The following SNRPG variants were observed in gnomAD, a reference collection of about 807,000 sequenced individuals.
The protein encoded by SNRPG is small nuclear ribonucleoprotein G.
A neutral mutation model predicts 13.9 loss-of-function variants in SNRPG; 3 were observed. The ratio of observed to expected loss-of-function variants is 0.22; its 90% CI spans 0.10 to 0.56. The LOEUF is 0.56. Among genes scored for constraint, SNRPG ranks in the 20% least tolerant of loss-of-function variants. SNRPG has a pLI of 0.93. For synonymous variants in SNRPG, 29 were observed against 29.3 expected (o/e 0.99, Z 0.03); for missense variants, 34 against 96.1 (o/e 0.35, Z 2.70).
chr2:70,283,233 TA>T (rs1696858755), intron 3 of SNRPG, among the ~76,000 whole-genome samples: 1 of 150,478 alleles, frequency 6.6e-6, no homozygotes, highest in African/African-American at 2.5e-5. Context: ...ACTGGAAGGC[TA>T]GGGGACTAAA....
chr2:70,285,382 G>A lies in SNRPG; in HGVS notation c.180+2686C>T, dbSNP rs180936783. On this transcript the variant is annotated intron_variant, in intron 3 of 3. Transcript: ENST00000272348. Reference sequence around the variant, plus strand: ...CGGTCAGGAGTTTGAGACCAGCCTGGCCAACATAGTGAAACCCTGTCTCTA... The same window carrying A: ...CGGTCAGGAGTTTGAGACCAGCCTGACCAACATAGTGAAACCCTGTCTCTA... Among the ~76,000 whole-genome samples, 13 of 152,228 alleles carry A rather than the reference G, an allele frequency of 8.5e-5. No individual in the cohort carries two copies. The East Asian group carries it at 2.5e-3, about 29-fold the overall frequency.
In SNRPG at chr2:70,293,650, G is replaced by C. The variant is rs769520794; in HGVS notation, c.-1C>G. On this transcript the variant is annotated 5_prime_UTR_variant, in exon 1 of 4. Coordinates refer to ENST00000272348, the MANE Select transcript of SNRPG (RefSeq NM_003096.4). ...ACTCGGGAGGGTGAGCTTTGCTCAT[G>C]GTGTATACTCCGCGGGCTCACAGAT... 4.3e-6 allele frequency: 7 copies of C among 1,613,896 alleles called. No individual in the cohort carries two copies. Among genetic ancestry groups the C allele is most frequent in the Non-Finnish European group, 5.9e-6 (7 of 1,179,852 alleles).
chr2:70,288,301 C>T (rs1696993143), intron 2 of SNRPG, 109 bp from the exon 3 acceptor site: 1 of 825,816 alleles, frequency 1.2e-6, no homozygotes, highest in Non-Finnish European at 2.0e-6. Flanking sequence ...CTGAAACCCA[C>T]TATCCTTACT....
At chr2:70,285,746 A>T (rs1159809353) in intron 3 of SNRPG, among the ~76,000 whole-genome samples, 1 of 152,166 alleles carries the variant, frequency 6.6e-6, no homozygotes, top group Admixed American at 6.6e-5. Flanking sequence ...CAGGTCCAGA[A>T]TTACATACTG....
intron 3 of SNRPG, among the ~76,000 whole-genome samples, chr2:70,282,043 A>C (rs540727650): frequency 1.3e-5 from 2 of 152,218 alleles, no homozygotes; most frequent in South Asian, 4.1e-4. Flanking sequence ...CAGCCTCCCA[A>C]GTAGCTAGGA....
At chr2:70,287,756 C>T in intron 3 of SNRPG, 1 of 425,572 alleles carries the variant, frequency 2.3e-6, no homozygotes, top group Non-Finnish European at 4.2e-6. Flanking sequence ...GATTCATATA[C>T]ACATTAAGGT....
intron 1 of SNRPG, chr2:70,293,292 A>T: frequency 1.5e-6 from 1 of 681,084 alleles, no homozygotes; most frequent in Non-Finnish European, 2.7e-6. Flanking sequence ...ACATGATACT[A>T]TTCGAGATGT....
In SNRPG at chr2:70,288,191, C is replaced by T. The variant is rs1559044238; in HGVS notation, c.57G>A (p.Leu19=). Residue 19 remains leucine, a splice_region_variant and synonymous_variant, in exon 3 of 4, where the codon TTG becomes TTA. Transcript: ENST00000272348. ...GGACATGTCTGCCACCATTTAATTT[C>T]ACTATTAAAAAGAGAAAAAGAAGTT... ...LKKFMDKKLS[L]KLNGGRHVQG... 2 of 1,611,580 alleles carry T rather than the reference C, an allele frequency of 1.2e-6. No homozygotes were observed.
At chr2:70,286,212 G>A (rs1696938067) in intron 3 of SNRPG, among the ~76,000 whole-genome samples, 2 of 152,170 alleles carry the variant, frequency 1.3e-5, no homozygotes, top group Admixed American at 1.3e-4. Flanking sequence ...ATAGATGTGA[G>A]CTACTGTGCC....
chr2:70,291,629 G>T (rs1697099818), intron 1 of SNRPG, among the ~76,000 whole-genome samples: 2 of 152,106 alleles, frequency 1.3e-5, no homozygotes. Context: ...TGGTGTAAAA[G>T]AAGATGCTAT....
chr2:70,281,766 C>A, intron 3 of SNRPG, 82 bp from the exon 4 acceptor site: 103 of 748,366 alleles, frequency 1.4e-4, no homozygotes, highest in Middle Eastern at 5.0e-4. Flanking sequence ...TTCACCAAAT[C>A]ATTAATGGTT....
rs868767126 is a variant in SNRPG at position 70,288,234 on chromosome 2, T to A, written c.56-42A>T. On this transcript the variant is annotated intron_variant, in intron 2 of 3. Coordinates refer to ENST00000272348, the MANE Select transcript of SNRPG (RefSeq NM_003096.4). Reference sequence around the variant, plus strand: ...AAGAAGTTTTAGAAAAACATTCCATTAGCTACCAAGCATTCACTAAAAATC... The same window carrying A: ...AAGAAGTTTTAGAAAAACATTCCATAAGCTACCAAGCATTCACTAAAAATC... 1.2e-5 allele frequency: 18 copies of A among 1,563,110 alleles called. No homozygotes were observed. The Middle Eastern group carries it at 2.7e-3, about 234-fold the overall frequency.
At chr2:70,289,721 G>T (rs896257085) in intron 1 of SNRPG, among the ~76,000 whole-genome samples, 4 of 152,126 alleles carry the variant, frequency 2.6e-5, no homozygotes, top group Non-Finnish European at 2.9e-5. Flanking sequence ...TGAGGTCGGA[G>T]AATCACTGGA....
intron 2 of SNRPG, among the ~76,000 whole-genome samples, chr2:70,288,689 A>AT (rs1392690526): frequency 6.6e-6 from 1 of 152,202 alleles, no homozygotes; most frequent in Non-Finnish European, 1.5e-5. Context: ...TGTGGGTCAG[A>AT]TTTTTAGATA....
chr2:70,290,985 T>A (rs774588458), intron 1 of SNRPG, among the ~76,000 whole-genome samples: 28 of 145,740 alleles, frequency 1.9e-4, no homozygotes, highest in Non-Finnish European at 4.0e-4. Context: ...CACTCCAGCC[T>A]GGGCAATAAG....
chr2:70,283,060 A>G (rs1369327251), intron 3 of SNRPG, among the ~76,000 whole-genome samples: 1 of 132,636 alleles, frequency 7.5e-6, no homozygotes, highest in Admixed American at 9.6e-5. Flanking sequence ...GCGCCACTGC[A>G]CTCCAGCCTG....
At chr2:70,291,866 T>C (rs1697106488) in intron 1 of SNRPG, among the ~76,000 whole-genome samples, 1 of 151,416 alleles carries the variant, frequency 6.6e-6, no homozygotes, top group Admixed American at 6.6e-5. Context: ...CAGTCCCTGA[T>C]GAATCCAGAG....
At chr2:70,291,497 C>A (rs961694362) in intron 1 of SNRPG, among the ~76,000 whole-genome samples, 1 of 152,092 alleles carries the variant, frequency 6.6e-6, no homozygotes, top group Non-Finnish European at 1.5e-5. Context: ...TGGGGGCAGT[C>A]GAATAAGCAG....
intron 3 of SNRPG, among the ~76,000 whole-genome samples, chr2:70,286,092 A>G (rs1405695806): frequency 6.6e-6 from 1 of 152,098 alleles, no homozygotes; most frequent in Non-Finnish European, 1.5e-5. Flanking sequence ...ATGCCCGGCT[A>G]ATTTTCTAAT....
Sources: gnomAD v4.1 joint callset for allele counts (sites outside exome capture counted in the v4.1 genomes callset) on GRCh38, gnomAD v4.1.1 for gene constraint, MANE v1.5 for transcripts, NCBI Gene and HGNC (gene_info 2026-07-23, HGNC 2026-07-21) for gene names.